Variants in CRYL1 observed in about 807,000 individuals in gnomAD.
The protein encoded by CRYL1 is crystallin lambda 1, also known as lambda-crystallin homolog.
In CRYL1, 29 loss-of-function variants were observed where a neutral mutation model predicts 36.6. The observed-to-expected ratio is 0.79, with a 90% CI of 0.59 to 1.08. The LOEUF (loss-of-function observed/expected upper bound fraction) is 1.08, where lower values mean the gene tolerates loss of function less well. Among genes scored for constraint, CRYL1 ranks in the 50% least tolerant of loss-of-function variants. CRYL1 has a pLI of 0.00. For synonymous variants in CRYL1, 152 were observed against 151.5 expected, an observed-to-expected ratio of 1.00 and a Z score of -0.02; for missense variants, 411 against 407.9, an observed-to-expected ratio of 1.01 and a Z score of -0.06.
chr13:20,469,773 CT>C (rs1221169642), intron 3 of CRYL1, among the ~76,000 whole-genome samples: 1 of 152,228 alleles, frequency 6.6e-6, no homozygotes, highest in African/African-American at 2.4e-5. Context: ...TGTCAAAGGT[CT>C]TGGCTGAGCC....
chr13:20,439,457 A>G, intron 4 of CRYL1, 136 bp downstream of exon 4: 1 of 717,242 alleles, frequency 1.4e-6, no homozygotes, highest in Non-Finnish European at 2.2e-6. Context: ...TTATATCTCA[A>G]TAAAGCCGTT....
At chr13:20,512,115 C>T (rs1452644079) in intron 2 of CRYL1, among the ~76,000 whole-genome samples, 2 of 152,232 alleles carry the variant, frequency 1.3e-5, no homozygotes, top group Non-Finnish European at 1.5e-5. Flanking sequence ...ATGCTGGAAG[C>T]GAGTTCCTCC....
intron 2 of CRYL1, among the ~76,000 whole-genome samples, chr13:20,500,487 A>G (rs4770045): frequency 0.87 from 132,550 of 152,152 alleles, 60,362 homozygotes; most frequent in East Asian, 1. Context: ...TAGCAAAGCC[A>G]ATTTAGGAGA....
intron 2 of CRYL1, among the ~76,000 whole-genome samples, chr13:20,507,649 T>G (rs1459754232): frequency 2.6e-5 from 4 of 152,216 alleles, no homozygotes; most frequent in African/African-American, 4.8e-5. Flanking sequence ...CTGGGCACAG[T>G]GGCTCACACC....
At chr13:20,462,281 G>C (rs1300776527) in intron 3 of CRYL1, among the ~76,000 whole-genome samples, 1 of 151,736 alleles carries the variant, frequency 6.6e-6, no homozygotes. Context: ...GGCGCCCAGG[G>C]GATGGCAGTA....
chr13:20,450,645 C>T (rs1340202439), intron 3 of CRYL1, among the ~76,000 whole-genome samples: 5 of 152,302 alleles, frequency 3.3e-5, no homozygotes, highest in Non-Finnish European at 4.4e-5. Flanking sequence ...TTGTGGAAGA[C>T]AGTGTGGCGA....
chr13:20,516,848 G>A (rs779591641), intron 1 of CRYL1, among the ~76,000 whole-genome samples: 6 of 152,050 alleles, frequency 3.9e-5, no homozygotes, highest in Non-Finnish European at 7.4e-5. Context: ...GAGGCGGGAG[G>A]ATAATTAGAA....
chr13:20,417,147 T>C (rs534148080), intron 5 of CRYL1, among the ~76,000 whole-genome samples: 76 of 152,330 alleles, frequency 5.0e-4, no homozygotes, highest in African/African-American at 1.8e-3. Context: ...AGGCAAACGT[T>C]TGAGTTTCTC....
At chr13:20,421,970 A>G (rs2031828766) in intron 5 of CRYL1, among the ~76,000 whole-genome samples, 1 of 152,048 alleles carries the variant, frequency 6.6e-6, no homozygotes, top group Admixed American at 6.6e-5. Context: ...TTTGTTGCTC[A>G]CCAATATGAC....
At chr13:20,427,477 C>T (rs540979548) in intron 5 of CRYL1, among the ~76,000 whole-genome samples, 1 of 152,186 alleles carries the variant, frequency 6.6e-6, no homozygotes, top group African/African-American at 2.4e-5. Context: ...TCTCATAGCC[C>T]AGGATGCCAC....
At chr13:20,449,266 A>C (rs1302924221) in intron 3 of CRYL1, among the ~76,000 whole-genome samples, 1 of 152,246 alleles carries the variant, frequency 6.6e-6, no homozygotes, top group African/African-American at 2.4e-5. Flanking sequence ...AATGCATTGT[A>C]AATGCACATG....
intron 3 of CRYL1, among the ~76,000 whole-genome samples, chr13:20,454,776 A>G (rs1055573597): frequency 6.6e-6 from 1 of 152,162 alleles, no homozygotes; most frequent in African/African-American, 2.4e-5. Context: ...AATCCCTTTA[A>G]CATGATGAAA....
chr13:20,521,900 A>G (rs776252743), intron 1 of CRYL1, among the ~76,000 whole-genome samples: 1 of 152,206 alleles, frequency 6.6e-6, no homozygotes, highest in Non-Finnish European at 1.5e-5. Context: ...AGAAAGAGCT[A>G]TTAAGTAACT....
chr13:20,417,180 T>G (rs2031690299), intron 5 of CRYL1, among the ~76,000 whole-genome samples: 1 of 152,242 alleles, frequency 6.6e-6, no homozygotes, highest in South Asian at 2.1e-4. Flanking sequence ...GGTGCTGAAC[T>G]AAAGCTTTTC....
intron 5 of CRYL1, among the ~76,000 whole-genome samples, chr13:20,422,058 G>GA (rs914807860): frequency 7.9e-5 from 12 of 151,646 alleles, no homozygotes; most frequent in African/African-American, 1.2e-4. Flanking sequence ...ATTGCTGCTA[G>GA]AAAAAAAATC....
chr13:20,513,081 AT>A (rs991049473), intron 1 of CRYL1, among the ~76,000 whole-genome samples: 4 of 152,164 alleles, frequency 2.6e-5, no homozygotes, highest in African/African-American at 4.8e-5. Flanking sequence ...TTAGGTATGA[AT>A]TTTTTTAAGT....
At chr13:20,431,394 C>G in intron 5 of CRYL1, 1 of 985,402 alleles carries the variant, frequency 1.0e-6, no homozygotes, top group Non-Finnish European at 1.2e-6. Flanking sequence ...TCTTGCCTTC[C>G]CCCTGCAGAA....
intron 3 of CRYL1, among the ~76,000 whole-genome samples, chr13:20,463,717 G>A (rs547848867): frequency 6.6e-6 from 1 of 152,152 alleles, no homozygotes; most frequent in African/African-American, 2.4e-5. Context: ...TCAACAGATT[G>A]GAAAAACTAA....
intron 3 of CRYL1, among the ~76,000 whole-genome samples, chr13:20,487,195 T>C (rs1381027611): frequency 2.0e-5 from 3 of 151,990 alleles, no homozygotes; most frequent in Non-Finnish European, 4.4e-5. Context: ...GGGATGACTT[T>C]ACAATTGTTA....
Sources: gnomAD v4.1 joint callset for allele counts (sites outside exome capture counted in the v4.1 genomes callset) on GRCh38, gnomAD v4.1.1 for gene constraint, MANE v1.5 for transcripts, NCBI Gene and HGNC (gene_info 2026-07-23, HGNC 2026-07-21) for gene names.